Variants in PPFIA3 observed in about 807,000 individuals in gnomAD.
The protein encoded by PPFIA3 is PPFI scaffold protein A3.
PPFIA3 carries 26 observed loss-of-function variants against 145.8 expected under a neutral mutation model. The observed-to-expected ratio is 0.18, with a 90% confidence interval of 0.13 to 0.25. The LOEUF is 0.25. Among genes scored for constraint, PPFIA3 ranks in the 10% least tolerant of loss-of-function variants. The probability of loss-of-function intolerance (pLI) is 1.00; values close to 1 mark genes in which losing one functional copy is unlikely to be tolerated. For synonymous variants in PPFIA3, 645 were observed against 661.4 expected, an observed-to-expected ratio of 0.98 and a Z score of 0.38; for missense variants, 1,008 against 1,587.8, an observed-to-expected ratio of 0.63 and a Z score of 6.21.
In PPFIA3 at chr19:49,127,942, G is replaced by A. The variant is rs751654086; in HGVS notation, c.69G>A (p.Glu23=). 3 of 1,594,314 alleles carry A rather than the reference G, an allele frequency of 1.9e-6. No individual in the cohort carries two copies. In the South Asian group the frequency reaches 3.3e-5, roughly 18 times the overall value. ...GGGGCTCGGCGCTGGGCCCGGACGA[G>A]GCGGGCGGGGAGCTGGAGCGCCTCA... ...GRRGSALGPD[E]AGGELERLMV... Residue 23 remains glutamate (E), a synonymous_variant, in exon 2 of 30, where the codon GAG becomes GAA. Coordinates refer to ENST00000334186, the MANE Select transcript of PPFIA3 (RefSeq NM_003660.4).
chr19:49,144,712 C>CAA (rs112328082), intron 21 of PPFIA3, among the ~76,000 whole-genome samples: 2 of 139,186 alleles, frequency 1.4e-5, no homozygotes, highest in Non-Finnish European at 1.6e-5. Flanking sequence ...AGAGTGCATC[C>CAA]AAAAAAAAAA....
At chr19:49,126,964 T>C (rs752560588) in intron 1 of PPFIA3, among the ~76,000 whole-genome samples, 9 of 150,572 alleles carry the variant, frequency 6.0e-5, no homozygotes, top group Non-Finnish European at 1.2e-4. Flanking sequence ...TCCCAAATCC[T>C]CTCACCCAGG....
intron 14 of PPFIA3, among the ~76,000 whole-genome samples, chr19:49,136,156 G>C (rs976653956): frequency 1.3e-5 from 2 of 152,220 alleles, no homozygotes; most frequent in African/African-American, 4.8e-5. Context: ...GGACAGGGAG[G>C]GGTGTGTAGA....
rs1425182185 is a variant in PPFIA3, at chr19:49,122,719, T to G, written c.-16+2997T>G. 1.3e-3 allele frequency among the ~76,000 whole-genome samples: 191 copies of G among 148,824 alleles called. 3 individuals are homozygous for G. Among genetic ancestry groups the G allele is most frequent in the African/African-American group, 4.0e-3 (163 of 40,798 alleles). On this transcript the variant is annotated intron_variant, in intron 1 of 29. Transcript: ENST00000334186. ...GTTGTTGTTGTTGTTTAGTTGTTTT[T>G]TTTTTTTTTTTTTTTGGCGGGGGAT...
chr19:49,149,685 C>G lies in PPFIA3; in HGVS notation c.3493C>G (p.Pro1165Ala), dbSNP rs764451903. Residue 1165 changes from proline to alanine, a missense_variant, in exon 28 of 30, where the codon CCG (proline) becomes GCG (alanine). Physicochemically the swap from Pro to Ala is conservative, Grantham distance 27. Transcript: ENST00000334186. This position sits in a 1 kb window ranked among gnomAD's most constrained non-coding sequence, Gnocchi z 5.7. ...GGCTGCAGCGGGAGCCCTGGGCTCTCCGGGGCTCCCTCTCCGCAAGCTGCA... is the reference window on the plus strand; with the variant it reads ...GGCTGCAGCGGGAGCCCTGGGCTCTGCGGGGCTCCCTCTCCGCAAGCTGCA... ...RSAAAGALGS[P>A]GLPLRKLQPE... 1.8e-5 allele frequency: 29 copies of G among 1,612,834 alleles called. No homozygotes were observed. Among genetic ancestry groups the G allele is most frequent in the Non-Finnish European group, 8.5e-7 (1 of 1,179,394 alleles).
At chr19:49,135,307 G>A (rs1034918885) in intron 13 of PPFIA3, among the ~76,000 whole-genome samples, 1 of 152,128 alleles carries the variant, frequency 6.6e-6, no homozygotes, top group East Asian at 1.9e-4. Flanking sequence ...CTCCCAAAGT[G>A]CTGGGATTAC....
chr19:49,130,286 G>C lies in PPFIA3; in HGVS notation c.658-92G>C. On this transcript the variant is annotated intron_variant, in intron 6 of 29. Coordinates refer to ENST00000334186, the MANE Select transcript of PPFIA3 (RefSeq NM_003660.4). This position sits in a 1 kb window ranked among gnomAD's most constrained non-coding sequence, Gnocchi z 4.5. Reference sequence around the variant, plus strand: ...ACCAGCATGATCCTTATTGATCTTTGATCTACTTTCAGCTGATTGACTTTC... The same window carrying C: ...ACCAGCATGATCCTTATTGATCTTTCATCTACTTTCAGCTGATTGACTTTC... 1 of 1,311,664 alleles carries C rather than the reference G, an allele frequency of 7.6e-7. No individual in the cohort carries two copies. The highest frequency in any genetic ancestry group is 2.4e-5 in the Admixed American group (1 of 42,178). 81.3% of individuals were successfully genotyped at this position (1,311,664 alleles called of 1,614,324 possible).
chr19:49,134,959 TG>T, intron 13 of PPFIA3, 44 bp downstream of exon 13: 1 of 1,493,686 alleles, frequency 6.7e-7, no homozygotes, highest in South Asian at 1.4e-5. Flanking sequence ...GGAGCCCCGT[TG>T]GCCAAGCGCC....
chr19:49,138,110 C>T, intron 15 of PPFIA3, 95 bp from the exon 16 acceptor site: 2 of 1,420,360 alleles, frequency 1.4e-6, no homozygotes, highest in Non-Finnish European at 1.9e-6. Context: ...ATTCCCATTG[C>T]CCCACCAGGC....
chr19:49,120,866 C>A lies in PPFIA3; in HGVS notation c.-16+1144C>A, dbSNP rs912934826. ...TGTCTGCCTCAACCCTCTCTCCAAACAAGACCTCAGGCTCTCACCTTCCAA... is the reference window on the plus strand; with the variant it reads ...TGTCTGCCTCAACCCTCTCTCCAAAAAAGACCTCAGGCTCTCACCTTCCAA... On this transcript the variant is annotated intron_variant, in intron 1 of 29. Transcript: ENST00000334186. This position sits in a 1 kb window ranked among gnomAD's most constrained non-coding sequence, Gnocchi z 4.6. 6.6e-6 allele frequency among the ~76,000 whole-genome samples: 1 copy of A among 152,186 alleles called. No homozygotes were observed. Among genetic ancestry groups the A allele is most frequent in the Admixed American group, 6.5e-5 (1 of 15,280 alleles).
intron 25 of PPFIA3, 21 bp from the exon 26 acceptor site, chr19:49,148,972 G>A (rs777924074): frequency 2.5e-6 from 4 of 1,611,188 alleles, no homozygotes; most frequent in Non-Finnish European, 3.4e-6. Flanking sequence ...GGGCACGGCT[G>A]AGGGTCCCTT....
Position 49,128,113 on chromosome 19 carries a change from G to T in PPFIA3, c.240G>T (p.Gln80His). 6.5e-7 allele frequency: 1 copy of T among 1,545,324 alleles called. No homozygotes were observed. Among genetic ancestry groups the T allele is most frequent in the Non-Finnish European group, 8.7e-7 (1 of 1,153,772 alleles). ...LQRQLSIALP[Q>H]EFAALTKELN... ...GCCAGCTCAGCATCGCGCTGCCCCAGGTCTGGGCGGGACAGGGGCGGGGCA... is the reference window on the plus strand; with the variant it reads ...GCCAGCTCAGCATCGCGCTGCCCCATGTCTGGGCGGGACAGGGGCGGGGCA... Residue 80 changes from glutamine (Q) to histidine (H), a missense_variant and splice_region_variant, in exon 2 of 30, where the codon CAG becomes CAT. By Grantham distance (24) the Gln-to-His change is conservative. This residue lies in a region of PPFIA3 where 108 missense variants were observed against 144.3 expected (regional missense o/e 0.75). Transcript: ENST00000334186. This position sits in a 1 kb window ranked among gnomAD's most constrained non-coding sequence, Gnocchi z 4.1.
chr19:49,127,361 C>A (rs1356977548), intron 1 of PPFIA3, among the ~76,000 whole-genome samples: 1 of 126,862 alleles, frequency 7.9e-6, no homozygotes, highest in Admixed American at 9.2e-5. Context: ...GCACTCCAGC[C>A]TGGGTGACAG....
Position 49,135,909 on chromosome 19 carries a change from G to A in PPFIA3, c.1651G>A (p.Glu551Lys). The A allele has an allele frequency of 1.2e-6, 2 of 1,612,068 alleles. No individual in the cohort carries two copies. Among genetic ancestry groups the A allele is most frequent in the Non-Finnish European group, 1.7e-6 (2 of 1,179,156 alleles). The part of the protein sequence containing the change: ...GKRGRWSGVK[E>K]EPSKDWERSA... ...GAGGGGCCGCTGGTCAGGGGTCAAG[G>A]AGGAGCCCTCCAAGGTCAGCAGCTG... The change falls in exon 14 of 30, where the codon GAG becomes AAG. Residue 551 changes from glutamate to lysine, a missense_variant. This residue lies in a region of PPFIA3 where 121 missense variants were observed against 138.2 expected (regional missense o/e 0.88). Coordinates refer to ENST00000334186, the MANE Select transcript of PPFIA3 (RefSeq NM_003660.4).
chr19:49,149,026 G>A lies in PPFIA3; in HGVS notation c.3143G>A (p.Gly1048Asp), dbSNP rs2041311495. 2 of 1,614,022 alleles carry A rather than the reference G, an allele frequency of 1.2e-6. No homozygotes were observed. The highest frequency in any genetic ancestry group is 1.7e-6 in the Non-Finnish European group (2 of 1,180,014). The change falls in exon 26 of 30, where the codon GGT (glycine) becomes GAT (aspartate). Residue 1048 changes from glycine (G) to aspartate (D), a missense_variant. Physicochemically the swap from Gly to Asp is moderately conservative, Grantham distance 94. This residue lies in a region of PPFIA3 where 154 missense variants were observed against 369.2 expected (regional missense o/e 0.42). Coordinates refer to ENST00000334186, the MANE Select transcript of PPFIA3 (RefSeq NM_003660.4). The surrounding 1 kb of genome is among the most constrained non-coding windows in gnomAD (Gnocchi z 5.7). ...GTGTGGTCCAATGAGCGGGTCATGG[G>A]TTGGGTGTCCGGGCTGGGCCTGAAG... ...VMVWSNERVM[G>D]WVSGLGLKEF...
chr19:49,127,914 G>C lies in PPFIA3; in HGVS notation c.41G>C (p.Arg14Pro). The C allele has an allele frequency of 6.3e-7, 1 of 1,592,358 alleles. No homozygotes were observed. The highest frequency in any genetic ancestry group is 8.5e-7 in the Non-Finnish European group (1 of 1,177,262). The change falls in exon 2 of 30, where the codon CGG becomes CCG. Residue 14 changes from arginine (R) to proline (P), a missense_variant. This residue lies in a region of PPFIA3 where 108 missense variants were observed against 144.3 expected (regional missense o/e 0.75). Coordinates refer to ENST00000334186, the MANE Select transcript of PPFIA3 (RefSeq NM_003660.4). ...EVMPTISEDG[R>P]RGSALGPDEA... ...ATGCCCACCATCAGCGAGGATGGCC[G>C]GCGGGGCTCGGCGCTGGGCCCGGAC...
chr19:49,130,200 C>A lies in PPFIA3; in HGVS notation c.657+133C>A, dbSNP rs2041051484. On this transcript the variant is annotated intron_variant, in intron 6 of 29. Transcript: ENST00000334186. The surrounding 1 kb of genome is among the most constrained non-coding windows in gnomAD (Gnocchi z 4.5). ...TGTAAGAGTGTCACAGAGCTTGGAC[C>A]TCTGATTCAGGTCACCTAGCGAACT... is the stretch of plus-strand genomic sequence containing the variant. The A allele has an allele frequency of 1.7e-6, 2 of 1,189,270 alleles. No homozygotes were observed. Among genetic ancestry groups the A allele is most frequent in the Admixed American group, 2.7e-5 (1 of 37,336 alleles). 73.7% of individuals were successfully genotyped at this position (1,189,270 alleles called of 1,614,324 possible). A position where few individuals can be genotyped will look rare whatever the true frequency, so the allele number is the denominator to read the frequency against.
chr19:49,134,593 G>A (rs1470933448), intron 11 of PPFIA3, 46 bp from the exon 12 acceptor site: 3 of 1,571,892 alleles, frequency 1.9e-6, no homozygotes, highest in Non-Finnish European at 2.6e-6. Flanking sequence ...CCCCACGGGC[G>A]TGGCCCCTCA....
intron 21 of PPFIA3, among the ~76,000 whole-genome samples, chr19:49,143,414 C>T (rs933752601): frequency 2.6e-5 from 4 of 152,024 alleles, no homozygotes; most frequent in African/African-American, 9.7e-5. Context: ...CTCTTGTTGT[C>T]CAGGCTGGAG....
Sources: allele counts gnomAD v4.1 joint callset (sites outside exome capture counted in the v4.1 genomes callset), GRCh38; gene constraint gnomAD v4.1.1; regional missense constraint gnomAD v4.1.1; non-coding constraint Gnocchi (gnomAD v3.1); transcripts MANE v1.5; gene names NCBI Gene and HGNC (gene_info 2026-07-23, HGNC 2026-07-21).